APLP2: variants seen among roughly 807,000 people sequenced by gnomAD.
The protein encoded by APLP2 is CDEI box-binding protein.
APLP2 carries 53 observed loss-of-function variants against 89.9 expected under a neutral mutation model. That is an observed-to-expected ratio of 0.59 (90% CI 0.47 to 0.74). APLP2 has a LOEUF of 0.74. Ranked by LOEUF, APLP2 falls within the 30% of genes least tolerant of loss-of-function variation. The probability of loss-of-function intolerance (pLI) is 0.00; values close to 1 mark genes in which losing one functional copy is unlikely to be tolerated. For synonymous variants in APLP2, 372 were observed against 348.6 expected (o/e 1.07, Z -0.75); for missense variants, 973 against 975.9 (o/e 1.00, Z 0.04).
chr11:130,113,549 A>G (rs1377626769), intron 3 of APLP2, among the ~76,000 whole-genome samples: 2 of 152,184 alleles, frequency 1.3e-5, no homozygotes, highest in Non-Finnish European at 2.9e-5. Context: ...CTGAGCCTAA[A>G]CGAATAAGGG....
chr11:130,102,042 T>G (rs1288609294), intron 1 of APLP2: 3 of 451,600 alleles, frequency 6.6e-6, no homozygotes, highest in East Asian at 1.4e-4. Context: ...GTAATTGTTT[T>G]CCCTTTTGTA....
At position 130,123,414 on chromosome 11, in the gene APLP2, A is replaced by G. The variant is rs1042244366; in HGVS notation, c.923-198A>G. 6.6e-6 allele frequency among the ~76,000 whole-genome samples: 1 copy of G among 152,216 alleles called. No individual in the cohort carries two copies. The highest frequency in any genetic ancestry group is 1.5e-5 in the Non-Finnish European group (1 of 68,026). On this transcript the variant is annotated intron_variant, in intron 6 of 16. Coordinates refer to ENST00000338167, the MANE Select transcript of APLP2 (RefSeq NM_001142276.2). The surrounding 1 kb of genome is among the most constrained non-coding windows in gnomAD (Gnocchi z 4.0). Reference sequence around the variant, plus strand: ...CAAAAAAATATTTATCCCAGTTCCTAAATGTCTCTACTCTGTGGGGAAGCA... The same window carrying G: ...CAAAAAAATATTTATCCCAGTTCCTGAATGTCTCTACTCTGTGGGGAAGCA...
At chr11:130,083,158 C>G (rs911692318) in intron 1 of APLP2, among the ~76,000 whole-genome samples, 1 of 151,186 alleles carries the variant, frequency 6.6e-6, no homozygotes, top group Admixed American at 6.6e-5. Context: ...ACCTCAGCCT[C>G]CCAAGTAGCT....
intron 3 of APLP2, among the ~76,000 whole-genome samples, chr11:130,117,914 A>C (rs950714811): frequency 6.6e-6 from 1 of 152,084 alleles, no homozygotes. Context: ...CTCTCTACTA[A>C]AAATACAAAA....
chr11:130,129,216 G>A lies in APLP2; in HGVS notation c.1455+10G>A, dbSNP rs778554833. ...GTCTGACCCGCCACGGGTGAGTCCT[G>A]CCCCTAGCACTGCCTGCCCTGAGGT... On this transcript the variant is annotated intron_variant, in intron 10 of 16. Transcript: ENST00000338167. The A allele has an allele frequency of 4.8e-5, 78 of 1,610,702 alleles. No individual in the cohort carries two copies. Among genetic ancestry groups the A allele is most frequent in the Non-Finnish European group, 5.9e-5 (70 of 1,178,140 alleles).
chr11:130,097,883 A>G lies in APLP2; in HGVS notation c.106-11546A>G, dbSNP rs573755541. On this transcript the variant is annotated intron_variant, in intron 1 of 16. Transcript: ENST00000338167. ...TGAAACCATTTTAATAACAAAAGGT[A>G]GAAGATAATGTTAGAATTCAGGACA... is the stretch of plus-strand genomic sequence containing the variant. Among the ~76,000 whole-genome samples the G allele has an allele frequency of 4.6e-3, 704 of 152,350 alleles. 6 individuals are homozygous for G. The highest frequency in any genetic ancestry group is 7.4e-3 in the Non-Finnish European group (505 of 68,040).
In APLP2 at chr11:130,141,253, G is replaced by A; in HGVS notation, c.1924-245G>A. 2 of 505,674 alleles carry A rather than the reference G, an allele frequency of 4.0e-6. No individual in the cohort carries two copies. Among genetic ancestry groups the A allele is most frequent in the Admixed American group, 3.5e-5 (1 of 28,444 alleles). 31.3% of individuals were successfully genotyped at this position (505,674 alleles called of 1,614,324 possible). On this transcript the variant is annotated intron_variant, in intron 14 of 16. Transcript: ENST00000338167. This position sits in a 1 kb window ranked among gnomAD's most constrained non-coding sequence, Gnocchi z 4.2. ...TGTTCTGAGATACGTCTCCACAACG[G>A]TTACTTGAAGGAAAATGCATACGGG...
chr11:130,103,017 G>A (rs1468190583), intron 1 of APLP2, among the ~76,000 whole-genome samples: 2 of 152,192 alleles, frequency 1.3e-5, no homozygotes, highest in African/African-American at 4.8e-5. Flanking sequence ...TTTTTTGGTA[G>A]AGGATTCCAG....
chr11:130,106,757 C>T lies in APLP2; in HGVS notation c.106-2672C>T, dbSNP rs575215359. 2.9e-4 allele frequency among the ~76,000 whole-genome samples: 44 copies of T among 152,040 alleles called. 1 individual carries two copies. Among genetic ancestry groups the T allele is most frequent in the South Asian group, 2.1e-4 (1 of 4,814 alleles). ...AGGCTGGAGTGCAATTGTGCAATCT[C>T]GGCTCACTGCAACCTCTGCCTCCCG... On this transcript the variant is annotated intron_variant, in intron 1 of 16. Coordinates refer to ENST00000338167, the MANE Select transcript of APLP2 (RefSeq NM_001142276.2).
At chr11:130,133,539 CA>C (rs1333626412) in intron 11 of APLP2, 89 bp from the exon 12 acceptor site, 1 of 926,412 alleles carries the variant, frequency 1.1e-6, no homozygotes, top group Non-Finnish European at 1.8e-6. Context: ...GTGGTTTTTC[CA>C]GAAGTTGTGT....
chr11:130,135,005 G>T (rs1951403571), intron 12 of APLP2, among the ~76,000 whole-genome samples: 1 of 152,260 alleles, frequency 6.6e-6, no homozygotes, highest in South Asian at 2.1e-4. Flanking sequence ...CAGGATTCGG[G>T]CCTGGGAGTC....
intron 3 of APLP2, among the ~76,000 whole-genome samples, chr11:130,115,772 G>A (rs75744071): frequency 0.058 from 8,868 of 152,242 alleles, 270 homozygotes; most frequent in Non-Finnish European, 0.073. Context: ...TTCCCTAGGA[G>A]CTTCTGATGA....
intron 1 of APLP2, among the ~76,000 whole-genome samples, chr11:130,108,195 CA>C (rs1226082384): frequency 1.3e-5 from 2 of 151,944 alleles, no homozygotes; most frequent in African/African-American, 4.8e-5. Context: ...CAATGGCAAC[CA>C]AAGCCAAAAT....
At chr11:130,082,664 C>T (rs190310582) in intron 1 of APLP2, 97 of 173,406 alleles carry the variant, frequency 5.6e-4, no homozygotes, top group African/African-American at 2.2e-3. Flanking sequence ...CTCCTGGTCT[C>T]CCAGCATGAA....
intron 16 of APLP2, 46 bp from the exon 17 acceptor site, chr11:130,143,301 G>T: frequency 6.4e-7 from 1 of 1,562,262 alleles, no homozygotes; most frequent in South Asian, 1.1e-5. Context: ...CCCTGTGCAG[G>T]TCTCTTCCCA....
At chr11:130,110,436 A>T (rs1948400571) in intron 2 of APLP2, 102 bp from the exon 3 acceptor site, 2 of 1,399,134 alleles carry the variant, frequency 1.4e-6, no homozygotes, top group Admixed American at 2.0e-5. Flanking sequence ...TGTATGTAGG[A>T]TAAGGGTGGA....
chr11:130,091,845 C>T (rs1231193924), intron 1 of APLP2, among the ~76,000 whole-genome samples: 5 of 146,686 alleles, frequency 3.4e-5, no homozygotes, highest in Admixed American at 6.6e-5. Flanking sequence ...CCCTCCCGGA[C>T]GGGGTGGCTG....
chr11:130,124,120 G>A (rs1307076310), intron 7 of APLP2, among the ~76,000 whole-genome samples: 5 of 152,132 alleles, frequency 3.3e-5, no homozygotes, highest in Admixed American at 3.3e-4. Context: ...GTATTGGTGG[G>A]GAAGGCAGCT....
At chr11:130,103,535 G>A (rs1323526428) in intron 1 of APLP2, among the ~76,000 whole-genome samples, 1 of 152,096 alleles carries the variant, frequency 6.6e-6, no homozygotes, top group Non-Finnish European at 1.5e-5. Context: ...GAGCCGAAAT[G>A]CACTTAGCGC....
Sources: allele counts gnomAD v4.1 joint callset (sites outside exome capture counted in the v4.1 genomes callset), GRCh38; gene constraint gnomAD v4.1.1; non-coding constraint Gnocchi (gnomAD v3.1); transcripts MANE v1.5; gene names NCBI Gene and HGNC (gene_info 2026-07-23, HGNC 2026-07-21).